The following CD72 variants were observed in gnomAD, a reference collection of about 807,000 sequenced individuals.
CD72 encodes the protein B-cell differentiation antigen CD72.
A neutral mutation model predicts 50.7 loss-of-function variants in CD72; 28 were observed. The observed-to-expected ratio is 0.55, with a 90% CI of 0.41 to 0.76. CD72 has a LOEUF of 0.76. Among genes scored for constraint, CD72 ranks in the 30% least tolerant of loss-of-function variants. The probability of loss-of-function intolerance (pLI) is 0.00; values close to 1 mark genes in which losing one functional copy is unlikely to be tolerated. For synonymous variants in CD72, 176 were observed against 171.2 expected (o/e 1.03, Z -0.22); for missense variants, 403 against 420.6 (o/e 0.96, Z 0.37).
chr9:35,633,111 T>A (rs536325553), intron 1 of CD72, among the ~76,000 whole-genome samples: 6 of 151,228 alleles, frequency 4.0e-5, no homozygotes, highest in African/African-American at 1.5e-4. Flanking sequence ...TTGTACTTTT[T>A]TTTTTTTTTC....
chr9:35,637,233 T>C (rs867162681), intron 1 of CD72, among the ~76,000 whole-genome samples: 8 of 151,104 alleles, frequency 5.3e-5, no homozygotes, highest in African/African-American at 1.5e-4. Flanking sequence ...CCCATCACCC[T>C]TTGCTGACTC....
In CD72 at chr9:35,610,614, A is replaced by G; in HGVS notation, c.*10T>C. ...CCCTCACTCTTACCAACTCAGTGCAAAGGACTGTCCTAATCTGGAAACCTG... is the reference window on the plus strand; with the variant it reads ...CCCTCACTCTTACCAACTCAGTGCAGAGGACTGTCCTAATCTGGAAACCTG... On this transcript the variant is annotated 3_prime_UTR_variant, in exon 8 of 9. Transcript: ENST00000259633. The G allele has an allele frequency of 6.2e-7, 1 of 1,613,132 alleles. No individual in the cohort carries two copies. The highest frequency in any genetic ancestry group is 1.1e-5 in the South Asian group (1 of 90,966).
At chr9:35,637,134 C>A (rs1285746334) in intron 1 of CD72, among the ~76,000 whole-genome samples, 1 of 152,114 alleles carries the variant, frequency 6.6e-6, no homozygotes, top group East Asian at 1.9e-4. Context: ...CGCTTGAGAA[C>A]GTACTTTGTA....
At chr9:35,627,235 C>T (rs978530641) in intron 1 of CD72, among the ~76,000 whole-genome samples, 1 of 151,846 alleles carries the variant, frequency 6.6e-6, no homozygotes, top group African/African-American at 2.4e-5. Flanking sequence ...AGCGATTCTC[C>T]TGTCTCACCC....
intron 3 of CD72, 42 bp downstream of exon 3, chr9:35,617,134 C>G (rs1455617442): frequency 5.2e-6 from 8 of 1,549,924 alleles, no homozygotes; most frequent in Non-Finnish European, 8.7e-7. Context: ...GGGACAGGCG[C>G]GAGCACTTGG....
rs747887232 is a variant in CD72, at chr9:35,618,151, G to A, written c.83-30C>T. 9.3e-6 allele frequency: 15 copies of A among 1,607,952 alleles called. No homozygotes were observed. The South Asian group carries it at 1.5e-4, about 17-fold the overall frequency. ...AGAGAAGAGAAAAGGGACCAAGGTG[G>A]GATTTGGGAATGGGATCTGTGGGGC... On this transcript the variant is annotated intron_variant, in intron 1 of 8. Coordinates refer to ENST00000259633, the MANE Select transcript of CD72 (RefSeq NM_001782.3).
At chr9:35,616,429 G>A in intron 4 of CD72, 151 bp from the exon 5 acceptor site, 2 of 834,568 alleles carry the variant, frequency 2.4e-6, no homozygotes, top group Non-Finnish European at 3.9e-6. Flanking sequence ...AGGAGGTACT[G>A]GATTAGGTGA....
chr9:35,631,512 G>GT (rs1353920320), intron 1 of CD72, among the ~76,000 whole-genome samples: 5 of 152,022 alleles, frequency 3.3e-5, no homozygotes, highest in African/African-American at 1.2e-4. Flanking sequence ...TTTACTTAGA[G>GT]TTTTTTTGGG....
At chr9:35,616,462 C>T (rs1286700774) in intron 4 of CD72, 138 bp downstream of exon 4, 3 of 870,670 alleles carry the variant, frequency 3.4e-6, no homozygotes, top group African/African-American at 1.7e-5. Flanking sequence ...AAGACAACAG[C>T]CCTGGCTGGA....
intron 1 of CD72, among the ~76,000 whole-genome samples, chr9:35,641,538 T>C (rs1484676474): frequency 6.6e-6 from 1 of 152,148 alleles, no homozygotes; most frequent in Admixed American, 6.5e-5. Flanking sequence ...GTAATTTCCA[T>C]TGGTTAGCTG....
upstream of CD72, chr9:35,618,431 C>G (rs930805837): frequency 8.4e-6 from 13 of 1,538,650 alleles, no homozygotes; most frequent in Non-Finnish European, 1.1e-5. Flanking sequence ...AGCAATTGGC[C>G]CTGTGACTTC....
intron 5 of CD72, among the ~76,000 whole-genome samples, chr9:35,613,437 T>A (rs928493495): frequency 1.3e-5 from 2 of 152,122 alleles, no homozygotes; most frequent in African/African-American, 4.8e-5. Flanking sequence ...TCTCTCCTTT[T>A]CCCTCCTCTC....
At chr9:35,620,014 G>C (rs1302389610), upstream of CD72, among the ~76,000 whole-genome samples, 1 of 150,936 alleles carries the variant, frequency 6.6e-6, no homozygotes, top group Admixed American at 6.6e-5. Context: ...GGGACCTCAG[G>C]GGCCCTGAGA....
chr9:35,635,363 C>T (rs1486284760), intron 1 of CD72, among the ~76,000 whole-genome samples: 1 of 152,184 alleles, frequency 6.6e-6, no homozygotes, highest in Non-Finnish European at 1.5e-5. Flanking sequence ...AGGCTTCTAC[C>T]TTCTACCACA....
intron 1 of CD72, among the ~76,000 whole-genome samples, chr9:35,625,154 C>G (rs749779480): frequency 6.6e-6 from 1 of 152,222 alleles, no homozygotes; most frequent in Non-Finnish European, 1.5e-5. Context: ...AGGCCAAAAG[C>G]TAGGCCTCTT....
chr9:35,611,516 GC>G (rs1822984155), intron 7 of CD72, among the ~76,000 whole-genome samples: 1 of 152,178 alleles, frequency 6.6e-6, no homozygotes, highest in Admixed American at 6.5e-5. Context: ...CAGCTGTGGA[GC>G]CTTAACTAAA....
chr9:35,612,684 G>T lies in CD72; in HGVS notation c.834+164C>A. 6.0e-6 allele frequency: 4 copies of T among 663,012 alleles called. No individual in the cohort carries two copies. In the South Asian group the frequency reaches 7.7e-5, roughly 13 times the overall value. 41.1% of individuals were successfully genotyped at this position (663,012 alleles called of 1,614,324 possible). On this transcript the variant is annotated intron_variant, in intron 6 of 8. Transcript: ENST00000259633. ...GACCACTGTGCTGAGAAGATGCAGA[G>T]GTTGTTTCCAAGCTCAGAGGTCAAG...
At chr9:35,641,189 G>A (rs961974978) in intron 1 of CD72, among the ~76,000 whole-genome samples, 2 of 152,178 alleles carry the variant, frequency 1.3e-5, no homozygotes, top group African/African-American at 4.8e-5. Context: ...TTTCCTCGGG[G>A]GGGGTGCCTT....
At chr9:35,614,196 C>T (rs1420376655) in intron 5 of CD72, among the ~76,000 whole-genome samples, 1 of 152,114 alleles carries the variant, frequency 6.6e-6, no homozygotes, top group Admixed American at 6.6e-5. Context: ...CTAGCTATAT[C>T]CCAAGTGCCT....
Sources: gnomAD v4.1 joint callset for allele counts (sites outside exome capture counted in the v4.1 genomes callset) on GRCh38, gnomAD v4.1.1 for gene constraint, MANE v1.5 for transcripts, NCBI Gene and HGNC (gene_info 2026-07-23, HGNC 2026-07-21) for gene names.